Variants in RPS6KC1 observed in about 807,000 individuals in gnomAD.
RPS6KC1 encodes the protein inactive ribosomal protein S6 kinase delta-1.
Under a neutral mutation model 103.8 loss-of-function variants are expected in RPS6KC1, and 54 were observed. The observed-to-expected ratio is 0.52, with a 90% CI of 0.42 to 0.65. The LOEUF is 0.65. Ranked by LOEUF, RPS6KC1 falls within the 30% of genes least tolerant of loss-of-function variation. The pLI, the probability that RPS6KC1 is intolerant of heterozygous loss-of-function variation, is 0.00. For missense variants in RPS6KC1, 1,151 were observed against 1,253.8 expected, an observed-to-expected ratio of 0.92 and a Z score of 1.24; for synonymous variants, 439 against 438.7, an observed-to-expected ratio of 1.00 and a Z score of -0.01.
chr1:213,801,562 T>C, the RPS6KC1 span, among the ~76,000 whole-genome samples: 1 of 152,192 alleles, frequency 6.6e-6, no homozygotes, highest in African/African-American at 2.4e-5. Flanking sequence ...GGCAGGTGGA[T>C]TAATGTGCAT....
chr1:213,777,821 G>C, the RPS6KC1 span, among the ~76,000 whole-genome samples: 246 of 152,254 alleles, frequency 1.6e-3, 1 homozygote, highest in Non-Finnish European at 2.7e-3. Flanking sequence ...TTTTCTAAAA[G>C]CCAATATAAA....
chr1:213,547,412 C>A, the RPS6KC1 span, among the ~76,000 whole-genome samples: 2 of 152,172 alleles, frequency 1.3e-5, no homozygotes, highest in Non-Finnish European at 2.9e-5. Flanking sequence ...TTATACAATG[C>A]TAGGGAGAGT....
At chr1:213,208,294 A>G (rs112192565) in intron 8 of RPS6KC1, among the ~76,000 whole-genome samples, 1,599 of 152,114 alleles carry the variant, frequency 0.011, 31 homozygotes, top group African/African-American at 0.036. Context: ...TCTCCTCTTT[A>G]TACTTCCACT....
At chr1:213,214,397 G>A (rs2093603279) in intron 8 of RPS6KC1, among the ~76,000 whole-genome samples, 1 of 152,232 alleles carries the variant, frequency 6.6e-6, no homozygotes, top group Non-Finnish European at 1.5e-5. Context: ...AATGGGTGGA[G>A]CCCAGCGCAG....
chr1:213,795,691 T>C, the RPS6KC1 span, among the ~76,000 whole-genome samples: 3 of 152,034 alleles, frequency 2.0e-5, no homozygotes, highest in Non-Finnish European at 4.4e-5. Flanking sequence ...GCTCAGACCC[T>C]GGAATAGTAG....
chr1:213,356,453 G>C, the RPS6KC1 span, among the ~76,000 whole-genome samples: 3 of 152,086 alleles, frequency 2.0e-5, no homozygotes, highest in South Asian at 2.1e-4. Context: ...TCAGGAGTTC[G>C]AGACCAGCCT....
the RPS6KC1 span, among the ~76,000 whole-genome samples, chr1:213,691,707 T>C: frequency 6.6e-6 from 1 of 152,186 alleles, no homozygotes; most frequent in Non-Finnish European, 1.5e-5. Context: ...AAATTGTGTT[T>C]TCTTCTAGTA....
chr1:213,438,921 G>A, the RPS6KC1 span, among the ~76,000 whole-genome samples: 1 of 151,704 alleles, frequency 6.6e-6, no homozygotes, highest in South Asian at 2.1e-4. Context: ...AGCCTCCCGA[G>A]TAGCTGGGAC....
At chr1:213,322,911 C>CTTT in the RPS6KC1 span, among the ~76,000 whole-genome samples, 2 of 36,670 alleles carry the variant, frequency 5.5e-5, no homozygotes, top group South Asian at 4.3e-3. Context: ...CCATGCCCAG[C>CTTT]TTTTTTTTTT....
At chr1:213,518,196 T>A in the RPS6KC1 span, among the ~76,000 whole-genome samples, 60 of 152,344 alleles carry the variant, frequency 3.9e-4, no homozygotes, top group African/African-American at 1.4e-3. Flanking sequence ...TAATGGGTTT[T>A]ATGATGGCCC....
chr1:213,728,948 G>GTTTTTTTTTTTTTTTTT, the RPS6KC1 span, among the ~76,000 whole-genome samples: 2 of 91,288 alleles, frequency 2.2e-5, no homozygotes, highest in Non-Finnish European at 4.1e-5. Context: ...TTTTTTTTTT[G>GTTTTTTTTTTTTTTTTT]TTTTTTTTTT....
At chr1:213,622,436 A>G in the RPS6KC1 span, among the ~76,000 whole-genome samples, 1 of 152,102 alleles carries the variant, frequency 6.6e-6, no homozygotes, top group African/African-American at 2.4e-5. Flanking sequence ...TGGGCCGGAC[A>G]GTAGGGCATG....
chr1:213,635,687 C>A, the RPS6KC1 span, among the ~76,000 whole-genome samples: 1 of 152,150 alleles, frequency 6.6e-6, no homozygotes, highest in Admixed American at 6.5e-5. Context: ...AAACTGGAAG[C>A]ATTCCCTTTG....
the RPS6KC1 span, among the ~76,000 whole-genome samples, chr1:213,435,423 T>C: frequency 6.6e-6 from 1 of 152,248 alleles, no homozygotes; most frequent in Non-Finnish European, 1.5e-5. Context: ...TGCAAGACAT[T>C]GTAAATATTG....
chr1:213,343,549 A>G, the RPS6KC1 span, among the ~76,000 whole-genome samples: 3 of 151,176 alleles, frequency 2.0e-5, no homozygotes. Context: ...CTCAGGAAAG[A>G]AAAACCAAAC....
At chr1:213,602,120 C>CTTTCTT in the RPS6KC1 span, among the ~76,000 whole-genome samples, 29 of 5,132 alleles carry the variant, frequency 5.7e-3, 1 homozygote, top group African/African-American at 8.2e-3. Context: ...TTCTTTCTTT[C>CTTTCTT]TCTTTCTTTC....
chr1:213,724,013 G>A, the RPS6KC1 span, among the ~76,000 whole-genome samples: 5 of 152,184 alleles, frequency 3.3e-5, no homozygotes, highest in South Asian at 2.1e-4. Flanking sequence ...CCCATGAAGG[G>A]AGTGCACTGA....
At chr1:213,113,216 C>T (rs2083211949) in intron 4 of RPS6KC1, among the ~76,000 whole-genome samples, 1 of 151,536 alleles carries the variant, frequency 6.6e-6, no homozygotes, top group East Asian at 1.9e-4. Flanking sequence ...ACATCCTCTC[C>T]AGCACCTGTT....
chr1:213,483,241 G>A, the RPS6KC1 span, among the ~76,000 whole-genome samples: 1 of 152,100 alleles, frequency 6.6e-6, no homozygotes, highest in African/African-American at 2.4e-5. Context: ...AACAGCATGA[G>A]GGTAACCACC....
Sources: gnomAD v4.1 joint callset for allele counts (sites outside exome capture counted in the v4.1 genomes callset) on GRCh38, gnomAD v4.1.1 for gene constraint, MANE v1.5 for transcripts, NCBI Gene and HGNC (gene_info 2026-07-23, HGNC 2026-07-21) for gene names.